Variants in CHRNB4 observed in about 807,000 individuals in gnomAD.
CHRNB4 encodes neuronal acetylcholine receptor subunit beta-4.
In CHRNB4, 23 loss-of-function variants were observed where a neutral mutation model predicts 40.4. The ratio of observed to expected loss-of-function variants is 0.57; its 90% CI spans 0.41 to 0.81. The LOEUF is 0.81. CHRNB4 is among the 30% of genes least tolerant of loss of function. The probability of loss-of-function intolerance (pLI) is 0.00; values close to 1 mark genes in which losing one functional copy is unlikely to be tolerated. For missense variants in CHRNB4, 568 were observed against 670.6 expected, an observed-to-expected ratio of 0.85 and a Z score of 1.69; for synonymous variants, 285 against 274.4, an observed-to-expected ratio of 1.04 and a Z score of -0.38.
In CHRNB4 at chr15:78,629,875, G is replaced by A. The variant is rs1041899294; in HGVS notation, c.430C>T (p.Leu144=). The A allele has an allele frequency of 2.8e-5, 45 of 1,613,220 alleles. No homozygotes were observed. The highest frequency in any genetic ancestry group is 3.6e-5 in the Non-Finnish European group (43 of 1,179,960). The change falls in exon 5 of 6, where the codon CTG becomes TTG. Residue 144 remains leucine, a synonymous_variant. Transcript: ENST00000261751. This position sits in a 1 kb window ranked among gnomAD's most constrained non-coding sequence, Gnocchi z 6.8. ...IVRSNGSVLW[L]PPAIYKSACK... is the part of the protein sequence containing the mutation. Reference sequence around the variant, plus strand: ...GCGCTCTTGTAGATGGCAGGGGGCAGCCACAGGACGCTGCCGTTGGACCGG... The same window carrying A: ...GCGCTCTTGTAGATGGCAGGGGGCAACCACAGGACGCTGCCGTTGGACCGG...
intron 5 of CHRNB4, among the ~76,000 whole-genome samples, chr15:78,653,730 C>T (rs1470158271): frequency 6.6e-6 from 1 of 152,162 alleles, no homozygotes; most frequent in Non-Finnish European, 1.5e-5. Context: ...TAGGGCCTGC[C>T]ATTTTTGCTC....
intron 1 of CHRNB4, among the ~76,000 whole-genome samples, chr15:78,636,114 C>G (rs187177325): frequency 6.6e-6 from 1 of 152,262 alleles, no homozygotes; most frequent in Non-Finnish European, 1.5e-5. Context: ...ACCATATTGG[C>G]CAGGCTGTTC....
intron 2 of CHRNB4, chr15:78,634,692 C>G: frequency 2.2e-6 from 1 of 456,008 alleles, no homozygotes; most frequent in South Asian, 1.5e-5. Context: ...TGCACTCTCC[C>G]CTTGTGAATG....
chr15:78,635,628 C>A (rs1272882824), intron 1 of CHRNB4, 41 bp from the exon 2 acceptor site: 3 of 1,610,086 alleles, frequency 1.9e-6, no homozygotes, highest in Non-Finnish European at 2.5e-6. Flanking sequence ...CCCTTGTGCA[C>A]CTGACCCCCA....
At chr15:78,648,569 C>G (rs1462181717) in intron 7 of CHRNB4, among the ~76,000 whole-genome samples, 1 of 151,228 alleles carries the variant, frequency 6.6e-6, no homozygotes, top group African/African-American at 2.4e-5. Context: ...GCCTGGCCAA[C>G]ATGGTGAAAC....
rs2053766229 is a variant in CHRNB4 at position 78,630,000 on chromosome 15, C to T, written c.360-55G>A. 1 of 1,500,782 alleles carries T rather than the reference C, an allele frequency of 6.7e-7. No homozygotes were observed. Among genetic ancestry groups the T allele is most frequent in the Middle Eastern group, 2.2e-4 (1 of 4,510 alleles). The allele number at this position is 1,500,782 out of a possible 1,614,324, so 93.0% of individuals were successfully genotyped here. On this transcript the variant is annotated intron_variant, in intron 4 of 5. Coordinates refer to ENST00000261751, the MANE Select transcript of CHRNB4 (RefSeq NM_000750.5). This position sits in a 1 kb window ranked among gnomAD's most constrained non-coding sequence, Gnocchi z 6.8. Reference sequence around the variant, plus strand: ...GTGAAACCCATACACAAAACCTGGCCTGTTCTCAGAACTCACTGAAGAGCC... The same window carrying T: ...GTGAAACCCATACACAAAACCTGGCTTGTTCTCAGAACTCACTGAAGAGCC...
intron 2 of CHRNB4, among the ~76,000 whole-genome samples, chr15:78,633,060 T>A (rs1309221863): frequency 6.6e-6 from 1 of 152,218 alleles, no homozygotes; most frequent in Non-Finnish European, 1.5e-5. Flanking sequence ...CCAGCCTCAC[T>A]TCACCTCCCT....
In CHRNB4 at chr15:78,635,563, T is replaced by G. The variant is rs1297330798; in HGVS notation, c.80A>C (p.Glu27Ala). Residue 27 changes from glutamate to alanine, a missense_variant, in exon 2 of 6, where the codon GAG (glutamate) becomes GCG (alanine). Coordinates refer to ENST00000261751, the MANE Select transcript of CHRNB4 (RefSeq NM_000750.5). ...GRGNCRVANA[E>A]EKLMDDLLNK... ...CAGAAGGTCGTCCATCAGCTTTTCC[T>G]CCGCATTGGCCACGCGGCAGTTCCC... 6.2e-7 allele frequency: 1 copy of G among 1,614,126 alleles called. No homozygotes were observed.
intron 5 of CHRNB4, chr15:78,627,906 C>T (rs1480255986): frequency 1.3e-5 from 2 of 152,222 alleles, no homozygotes; most frequent in Non-Finnish European, 2.9e-5. Flanking sequence ...TGGCTCAAGC[C>T]TGTAATCCCA....
At chr15:78,644,548 C>G (rs2054107958), upstream of CHRNB4, among the ~76,000 whole-genome samples, 1 of 152,026 alleles carries the variant, frequency 6.6e-6, no homozygotes, top group Non-Finnish European at 1.5e-5. Context: ...TTCCCAACCT[C>G]CAGAACTGAG....
intron 4 of CHRNB4, among the ~76,000 whole-genome samples, chr15:78,630,407 G>A (rs2141372000): frequency 6.6e-6 from 1 of 152,252 alleles, no homozygotes; most frequent in African/African-American, 2.4e-5. Flanking sequence ...CAAAGTGCTG[G>A]GATTACAGGT....
intron 5 of CHRNB4, chr15:78,627,706 C>G (rs2053689752): frequency 6.6e-6 from 1 of 152,200 alleles, no homozygotes; most frequent in African/African-American, 2.4e-5. Flanking sequence ...TGCTCTCCCT[C>G]CTGGTATGGA....
intron 4 of CHRNB4, among the ~76,000 whole-genome samples, chr15:78,630,385 G>A (rs146875526): frequency 5.9e-5 from 9 of 152,160 alleles, no homozygotes; most frequent in South Asian, 4.1e-4. Context: ...TGATCCACCC[G>A]CCTCGGCCTC....
Position 78,629,713 on chromosome 15 carries a change from T to C in CHRNB4, c.592A>G (p.Ser198Gly), listed in dbSNP as rs1490497437. ...PTASMDDFTP[S>G]GEWDIVALPG... The stretch of plus-strand genomic sequence containing the variant: ...AGGGCCACTATGTCCCACTCACCAC[T>C]GGGAGTAAAGTCATCCATGCTGGCT... The change falls in exon 5 of 6, where the codon AGT becomes GGT. Residue 198 changes from serine to glycine, a missense_variant. Transcript: ENST00000261751. This position sits in a 1 kb window ranked among gnomAD's most constrained non-coding sequence, Gnocchi z 6.8. 1.2e-6 allele frequency: 2 copies of C among 1,614,032 alleles called. No individual in the cohort carries two copies. The highest frequency in any genetic ancestry group is 1.7e-6 in the Non-Finnish European group (2 of 1,180,040).
rs1432859029 is a variant in CHRNB4, at chr15:78,648,513, T to C, written c.46+866A>G. On this transcript the variant is annotated intron_variant and NMD_transcript_variant, in intron 7 of 11. Coordinates refer to the CHRNB4 transcript ENST00000559849. The stretch of plus-strand genomic sequence containing the variant: ...GCTCACACCTGTAATCCCAGCACTT[T>C]GGGAGGCCGAGGCGGATGGATCACA... Among the ~76,000 whole-genome samples the C allele has an allele frequency of 2.6e-5, 4 of 151,864 alleles. No homozygotes were observed. The South Asian group carries it at 6.2e-4, about 24-fold the overall frequency.
chr15:78,661,128 G>C (rs2054249474), upstream of CHRNB4: 1 of 621,056 alleles, frequency 1.6e-6, no homozygotes, highest in South Asian at 1.4e-5. Flanking sequence ...TGGTGTGGCT[G>C]TGCGGCGTTC....
Position 78,637,178 on chromosome 15 carries a change from T to C in CHRNB4, c.56-1591A>G, listed in dbSNP as rs200090291. Among the ~76,000 whole-genome samples the C allele has an allele frequency of 6.5e-4, 99 of 152,318 alleles. 1 individual carries two copies. In the East Asian group the frequency reaches 0.017, roughly 26 times the overall value. On this transcript the variant is annotated intron_variant, in intron 1 of 5. Transcript: ENST00000261751. ...TACCGCCTCATGCAGGGAGCCCCCC[T>C]GACCTTCCATAGCCTCAAATCTGCC...
chr15:78,626,270 A>G (rs2053650442), intron 5 of CHRNB4: 1 of 152,594 alleles, frequency 6.6e-6, no homozygotes, highest in South Asian at 2.1e-4. Flanking sequence ...CAGCAGGCAC[A>G]CACAGCTCTC....
At chr15:78,632,300 C>CGTGTGT (rs368583386) in intron 2 of CHRNB4, among the ~76,000 whole-genome samples, 6 of 142,730 alleles carry the variant, frequency 4.2e-5, no homozygotes, top group African/African-American at 1.3e-4. Flanking sequence ...TCTTTTCTTT[C>CGTGTGT]GTGTGTGTGT....
Sources: gnomAD v4.1 joint callset for allele counts (sites outside exome capture counted in the v4.1 genomes callset) on GRCh38, gnomAD v4.1.1 for gene constraint, Gnocchi (gnomAD v3.1) non-coding constraint, MANE v1.5 for transcripts, NCBI Gene and HGNC (gene_info 2026-07-23, HGNC 2026-07-21) for gene names.